The following NTM variants were observed in gnomAD, a reference collection of about 807,000 sequenced individuals.
The protein encoded by NTM is IgLON family member 2.
Under a neutral mutation model 42.1 loss-of-function variants are expected in NTM, and 13 were observed. The ratio of observed to expected loss-of-function variants is 0.31; its 90% CI spans 0.20 to 0.49. The LOEUF is 0.49. NTM is among the 20% of genes least tolerant of loss of function. NTM has a pLI of 0.99. For synonymous variants in NTM, 187 were observed against 179.2 expected, an observed-to-expected ratio of 1.04 and a Z score of -0.35; for missense variants, 373 against 452.8, an observed-to-expected ratio of 0.82 and a Z score of 1.60.
At chr11:131,513,350 T>C (rs2048493316) in intron 1 of NTM, among the ~76,000 whole-genome samples, 1 of 152,152 alleles carries the variant, frequency 6.6e-6, no homozygotes, top group African/African-American at 2.4e-5. Context: ...GCACCCATCC[T>C]CTGGGGTTTC....
chr11:131,750,959 A>T (rs2082420972), intron 1 of NTM, among the ~76,000 whole-genome samples: 1 of 152,038 alleles, frequency 6.6e-6, no homozygotes, highest in African/African-American at 2.4e-5. Context: ...CTGAGAGGAC[A>T]GCATTAGCCC....
chr11:132,265,070 G>T (rs1264201256), intron 4 of NTM, among the ~76,000 whole-genome samples: 2 of 152,202 alleles, frequency 1.3e-5, no homozygotes, highest in South Asian at 2.1e-4. Flanking sequence ...AGTAGCTAAG[G>T]TGAGAGGATT....
chr11:131,625,588 A>G (rs1444471862), intron 1 of NTM, among the ~76,000 whole-genome samples: 2 of 152,062 alleles, frequency 1.3e-5, no homozygotes, highest in African/African-American at 4.8e-5. Flanking sequence ...ACGTTCCCCA[A>G]TAACATACAT....
intron 3 of NTM, among the ~76,000 whole-genome samples, chr11:132,152,283 T>G (rs1437427919): frequency 6.6e-6 from 1 of 152,166 alleles, no homozygotes; most frequent in East Asian, 1.9e-4. Context: ...CACCAACACT[T>G]CCCATTCAAG....
chr11:131,474,428 A>G (rs1952727897), intron 1 of NTM, among the ~76,000 whole-genome samples: 1 of 152,048 alleles, frequency 6.6e-6, no homozygotes, highest in East Asian at 1.9e-4. Context: ...TTTACATACT[A>G]GTAATTCCCC....
intron 2 of NTM, among the ~76,000 whole-genome samples, chr11:132,004,650 AC>A (rs2070338581): frequency 6.6e-6 from 1 of 150,954 alleles, no homozygotes; most frequent in African/African-American, 2.4e-5. Context: ...ACACACACAC[AC>A]ACAACACACA....
At chr11:131,434,410 T>C (rs1948948085) in intron 1 of NTM, among the ~76,000 whole-genome samples, 1 of 152,228 alleles carries the variant, frequency 6.6e-6, no homozygotes, top group Non-Finnish European at 1.5e-5. Context: ...ACCAACAGTG[T>C]AAAAGCATTC....
intron 1 of NTM, among the ~76,000 whole-genome samples, chr11:131,596,233 C>T (rs74631502): frequency 0.042 from 6,358 of 152,186 alleles, 320 homozygotes; most frequent in Admixed American, 0.15. Flanking sequence ...ATCTTCAGTT[C>T]GATCTAATGT....
chr11:131,666,720 A>T (rs1014350534), intron 1 of NTM, among the ~76,000 whole-genome samples: 12 of 152,172 alleles, frequency 7.9e-5, no homozygotes, highest in Admixed American at 3.3e-4. Flanking sequence ...CCACAAATGG[A>T]TAAGATCAGT....
At chr11:131,827,420 G>C (rs1025982044) in intron 1 of NTM, among the ~76,000 whole-genome samples, 5 of 152,216 alleles carry the variant, frequency 3.3e-5, no homozygotes, top group Non-Finnish European at 7.3e-5. Flanking sequence ...GTGACAAGGA[G>C]TGGCTGACTG....
intron 1 of NTM, among the ~76,000 whole-genome samples, chr11:131,689,684 G>A (rs1039923166): frequency 6.6e-6 from 1 of 152,158 alleles, no homozygotes; most frequent in Non-Finnish European, 1.5e-5. Flanking sequence ...AGGCCAGCAA[G>A]GGTGCCATGG....
chr11:132,327,866 T>C (rs966811772), intron 7 of NTM, among the ~76,000 whole-genome samples: 2 of 145,448 alleles, frequency 1.4e-5, no homozygotes, highest in Non-Finnish European at 3.0e-5. Flanking sequence ...TCTTCCTTTC[T>C]TTTCAACATA....
At chr11:131,852,061 C>T (rs768835407) in intron 1 of NTM, among the ~76,000 whole-genome samples, 3 of 151,994 alleles carry the variant, frequency 2.0e-5, no homozygotes, top group African/African-American at 4.8e-5. Flanking sequence ...CTTGATGTTC[C>T]GAATAGAGAG....
chr11:131,789,291 T>C (rs190417787), intron 1 of NTM, among the ~76,000 whole-genome samples: 1 of 151,020 alleles, frequency 6.6e-6, no homozygotes, highest in African/African-American at 2.4e-5. Flanking sequence ...TTAAGAGTAT[T>C]TTAAAAAGAC....
intron 1 of NTM, among the ~76,000 whole-genome samples, chr11:131,545,268 C>G (rs897698783): frequency 6.6e-6 from 1 of 151,898 alleles, no homozygotes; most frequent in Non-Finnish European, 1.5e-5. Flanking sequence ...TGCATGATAC[C>G]TTTTCCCTCT....
At chr11:132,306,468 G>GGTT (rs2095084601) in intron 4 of NTM, 1 of 152,212 alleles carries the variant, frequency 6.6e-6, no homozygotes, top group Non-Finnish European at 1.5e-5. Context: ...TAAATCAACA[G>GGTT]GTGGGCAGCA....
At chr11:132,291,445 T>C (rs911006452) in intron 4 of NTM, among the ~76,000 whole-genome samples, 9 of 152,170 alleles carry the variant, frequency 5.9e-5, no homozygotes, top group African/African-American at 2.2e-4. Flanking sequence ...AAGAATTTCA[T>C]GTCGGACATG....
chr11:132,056,515 A>G (rs934984555), intron 2 of NTM, among the ~76,000 whole-genome samples: 2 of 152,218 alleles, frequency 1.3e-5, no homozygotes, highest in African/African-American at 4.8e-5. Context: ...TTAATAATGC[A>G]TATAGGAGGT....
At chr11:131,495,338 C>T (rs1006991805) in intron 1 of NTM, among the ~76,000 whole-genome samples, 5 of 152,212 alleles carry the variant, frequency 3.3e-5, no homozygotes, top group South Asian at 4.1e-4. Context: ...TTTTGACATG[C>T]GCTTTGCAGA....
Sources: gnomAD v4.1 joint callset for allele counts (sites outside exome capture counted in the v4.1 genomes callset) on GRCh38, gnomAD v4.1.1 for gene constraint, MANE v1.5 for transcripts, NCBI Gene and HGNC (gene_info 2026-07-23, HGNC 2026-07-21) for gene names.